KCNJ5: variants seen among roughly 807,000 people sequenced by gnomAD.
The protein encoded by KCNJ5 is potassium inwardly rectifying channel subfamily J member 5, also known as G protein-activated inward rectifier potassium channel 4.
Under a neutral mutation model 20.2 loss-of-function variants are expected in KCNJ5, and 12 were observed. The observed-to-expected ratio is 0.59, with a 90% CI of 0.38 to 0.96. The LOEUF (loss-of-function observed/expected upper bound fraction) is 0.96. Among genes scored for constraint, KCNJ5 ranks in the 40% least tolerant of loss-of-function variants. KCNJ5 has a pLI of 0.00. For synonymous variants in KCNJ5, 210 were observed against 213.9 expected (o/e 0.98, Z 0.16); for missense variants, 449 against 557.6 (o/e 0.81, Z 1.96).
intron 1 of KCNJ5, chr11:128,904,512 A>C: frequency 6.6e-7 from 1 of 1,526,634 alleles, no homozygotes; most frequent in Non-Finnish European, 9.1e-7. Flanking sequence ...GCGTGCGTCC[A>C]GGGCGGAGAG....
At chr11:128,903,628 G>C in intron 1 of KCNJ5, 25 of 1,081,908 alleles carry the variant, frequency 2.3e-5, no homozygotes, top group Non-Finnish European at 3.1e-5. Context: ...GAGAGTGACG[G>C]GGCACTCTTG....
At chr11:128,891,985 G>A (rs1944099242) in intron 1 of KCNJ5, among the ~76,000 whole-genome samples, 1 of 152,256 alleles carries the variant, frequency 6.6e-6, no homozygotes, top group Non-Finnish European at 1.5e-5. Flanking sequence ...CTACCTGGGG[G>A]TGCCCCAGAT....
chr11:128,895,734 A>G (rs1944166701), intron 1 of KCNJ5, among the ~76,000 whole-genome samples: 1 of 152,270 alleles, frequency 6.6e-6, no homozygotes, highest in African/African-American at 2.4e-5. Flanking sequence ...GGGGGCGGGC[A>G]GAGCTGCTGG....
In KCNJ5 at chr11:128,919,997, C is replaced by A. The variant is rs1296862539; in HGVS notation, c.*3266C>A. On this transcript the variant is annotated 3_prime_UTR_variant, in exon 3 of 3. Transcript: ENST00000529694. ...TCATTCCCACAGTCTTGAGTATCTC[C>A]AAAATCCCAAAGTGATATTTCACTT... is the stretch of plus-strand genomic sequence containing the variant. 6.6e-6 allele frequency: 1 copy of A among 152,220 alleles called. No homozygotes were observed. Among genetic ancestry groups the A allele is most frequent in the East Asian group, 1.9e-4 (1 of 5,190 alleles). 9.4% of individuals were successfully genotyped at this position (152,220 alleles called of 1,614,324 possible).
intron 1 of KCNJ5, among the ~76,000 whole-genome samples, chr11:128,910,320 G>A (rs1944477513): frequency 6.6e-6 from 1 of 152,066 alleles, no homozygotes; most frequent in Admixed American, 6.6e-5. Flanking sequence ...AGAGCTTTGG[G>A]GCCATTAACA....
At position 128,912,052 on chromosome 11, in the gene KCNJ5, G is replaced by A. The variant is rs764305844; in HGVS notation, c.779G>A (p.Gly260Asp). ...IPLNQTDINVGFDTGDDRLFL... is the reference protein window; with the variant it reads ...IPLNQTDINVDFDTGDDRLFL... The stretch of plus-strand genomic sequence containing the variant: ...CTGAACCAGACAGACATCAACGTGG[G>A]CTTTGACACGGGCGACGACCGCCTC... The change falls in exon 2 of 3, where the codon GGC (glycine) becomes GAC (aspartate). Residue 260 changes from glycine (G) to aspartate (D), a missense_variant. Around this residue, in one of 5 missense-constraint regions of KCNJ5, gnomAD observed 145 missense variants for 166.2 expected, o/e 0.87. Transcript: ENST00000529694. 1.9e-6 allele frequency: 3 copies of A among 1,613,992 alleles called. No homozygotes were observed. The highest frequency in any genetic ancestry group is 2.5e-6 in the Non-Finnish European group (3 of 1,179,982).
chr11:128,909,964 G>C (rs930750213), intron 1 of KCNJ5: 1 of 152,176 alleles, frequency 6.6e-6, no homozygotes, highest in African/African-American at 2.4e-5. Context: ...GTCAGCCTTT[G>C]GGCTGCAGCC....
intron 1 of KCNJ5, among the ~76,000 whole-genome samples, chr11:128,899,379 C>A (rs1310202408): frequency 1.3e-5 from 2 of 152,210 alleles, no homozygotes; most frequent in East Asian, 3.8e-4. Flanking sequence ...TTCTGTGGCT[C>A]TTTCTCACAT....
Position 128,916,866 on chromosome 11 carries a change from C to T in KCNJ5, c.*135C>T, listed in dbSNP as rs1944592547. ...GAGCCATCAAGGCTGTGGGGAGGAA[C>T]CATAAACCCAGCCCTCACAGCTCCC... On this transcript the variant is annotated 3_prime_UTR_variant, in exon 3 of 3. Transcript: ENST00000529694. 1.4e-6 allele frequency: 1 copy of T among 707,910 alleles called. No homozygotes were observed. Among genetic ancestry groups the T allele is most frequent in the South Asian group, 1.9e-5 (1 of 51,548 alleles). 43.9% of individuals were successfully genotyped at this position (707,910 alleles called of 1,614,324 possible). A position where few individuals can be genotyped will look rare whatever the true frequency, so the allele number is the denominator to read the frequency against.
Position 128,891,431 on chromosome 11 carries a change from C to CAGAGAGAGAG in KCNJ5, c.-300_-299insGAGAGAGAGA, listed in dbSNP as rs1214176390. The CAGAGAGAGAG allele has an allele frequency of 3.6e-4, 33 of 92,720 alleles. No homozygotes were observed. The highest frequency in any genetic ancestry group is 2.7e-3 in the Admixed American group (25 of 9,360). The allele number at this position is 92,720 out of a possible 1,614,324, so 5.7% of individuals were successfully genotyped here. A position where few individuals can be genotyped will look rare whatever the true frequency, so the allele number is the denominator to read the frequency against. On this transcript the variant is annotated 5_prime_UTR_variant, in exon 1 of 3. Coordinates refer to ENST00000529694, the MANE Select transcript of KCNJ5 (RefSeq NM_000890.5). The stretch of plus-strand genomic sequence containing the variant: ...ACACACACACACACACACACACACA[C>CAGAGAGAGAG]ACACACACACAGAGAGAGAGAGAGA...
In KCNJ5 at chr11:128,911,699, C is replaced by G; in HGVS notation, c.426C>G (p.Phe142Leu). 6.2e-7 allele frequency: 1 copy of G among 1,614,164 alleles called. No homozygotes were observed. The highest frequency in any genetic ancestry group is 1.1e-5 in the South Asian group (1 of 91,070). The change falls in exon 2 of 3, where the codon TTC (phenylalanine) becomes TTG (leucine). Residue 142 changes from phenylalanine to leucine, a missense_variant. Transcript: ENST00000529694. This position sits in a 1 kb window ranked among gnomAD's most constrained non-coding sequence, Gnocchi z 6.3. ...NLSGFVSAFL[F>L]SIETETTIGY... ...GTGGCTTCGTGTCCGCTTTCCTGTTCTCCATTGAGACCGAAACAACCATTG... is the reference window on the plus strand; with the variant it reads ...GTGGCTTCGTGTCCGCTTTCCTGTTGTCCATTGAGACCGAAACAACCATTG...
At chr11:128,904,296 C>T (rs1944351910) in intron 1 of KCNJ5, 9 of 1,350,408 alleles carry the variant, frequency 6.7e-6, no homozygotes, top group Non-Finnish European at 8.1e-6. Flanking sequence ...CCACCCCAGA[C>T]AAGCCAAATT....
At position 128,911,910 on chromosome 11, in the gene KCNJ5, G is replaced by C; in HGVS notation, c.637G>C (p.Glu213Gln). The C allele has an allele frequency of 6.2e-7, 1 of 1,605,510 alleles. No homozygotes were observed. The highest frequency in any genetic ancestry group is 1.3e-5 in the African/African-American group (1 of 74,770). The change falls in exon 2 of 3, where the codon GAG (glutamate) becomes CAG (glutamine). Residue 213 changes from glutamate (E) to glutamine (Q), a missense_variant. Glu to Gln is a conservative substitution (Grantham distance 29). Coordinates refer to ENST00000529694, the MANE Select transcript of KCNJ5 (RefSeq NM_000890.5). This position sits in a 1 kb window ranked among gnomAD's most constrained non-coding sequence, Gnocchi z 6.3. ...SNNAVISMRDEKLCLMFRVGD... is the reference protein window; with the variant it reads ...SNNAVISMRDQKLCLMFRVGD... ...CAACGCAGTCATCTCCATGCGGGAC[G>C]AGAAGCTGTGCCTCATGTTCCGGGT... is the stretch of plus-strand genomic sequence containing the variant.
Position 128,920,593 on chromosome 11 carries a change from T to A in KCNJ5, c.*3862T>A, listed in dbSNP as rs1245049186. ...CTGCCCATGCGCCATGGAGCATGTG[T>A]TAGGTGCCTGCCGTGGGTCAGGCAC... On this transcript the variant is annotated 3_prime_UTR_variant, in exon 3 of 3. Transcript: ENST00000529694. The A allele has an allele frequency of 6.6e-6, 1 of 152,240 alleles. No individual in the cohort carries two copies. Among genetic ancestry groups the A allele is most frequent in the African/African-American group, 2.4e-5 (1 of 41,456 alleles). The allele number at this position is 152,240 out of a possible 1,614,324, so 9.4% of individuals were successfully genotyped here.
At chr11:128,908,929 C>T (rs890458272) in intron 1 of KCNJ5, among the ~76,000 whole-genome samples, 1 of 152,198 alleles carries the variant, frequency 6.6e-6, no homozygotes, top group Non-Finnish European at 1.5e-5. Flanking sequence ...AAGTCTCCCA[C>T]TTAAGGCAGA....
chr11:128,900,463 G>T (rs3740835), intron 1 of KCNJ5: 12,850 of 152,162 alleles, frequency 0.084, 1,113 homozygotes, highest in East Asian at 0.24. Context: ...ACTTCCTTAG[G>T]CTTGTGGTGG....
At chr11:128,897,107 T>TG (rs1176865500) in intron 1 of KCNJ5, among the ~76,000 whole-genome samples, 11 of 146,264 alleles carry the variant, frequency 7.5e-5, no homozygotes. Context: ...TTTTTTTTTT[T>TG]TTTTTTTTGA....
At chr11:128,893,352 G>A (rs1199280195) in intron 1 of KCNJ5, among the ~76,000 whole-genome samples, 1 of 151,998 alleles carries the variant, frequency 6.6e-6, no homozygotes, top group Non-Finnish European at 1.5e-5. Flanking sequence ...GAAATTGCTG[G>A]CTCAGGAGGC....
At position 128,891,472 on chromosome 11, in the gene KCNJ5, A is replaced by AGG. The variant is rs1944088630; in HGVS notation, c.-259_-258insGG. ...GAGAGAGAGAGAGAGAGAGAGAGAGAGAGATTGTTCCAGCTGCTCTCGCTA... is the reference window on the plus strand; with the variant it reads ...GAGAGAGAGAGAGAGAGAGAGAGAGAGGGAGATTGTTCCAGCTGCTCTCGCTA... On this transcript the variant is annotated 5_prime_UTR_variant, in exon 1 of 3. Coordinates refer to ENST00000529694, the MANE Select transcript of KCNJ5 (RefSeq NM_000890.5). 6.6e-6 allele frequency: 1 copy of AGG among 151,284 alleles called. No individual in the cohort carries two copies. The highest frequency in any genetic ancestry group is 2.5e-5 in the African/African-American group (1 of 40,150). 9.4% of individuals were successfully genotyped at this position (151,284 alleles called of 1,614,324 possible). A position where few individuals can be genotyped will look rare whatever the true frequency, so the allele number is the denominator to read the frequency against.
Sources: gnomAD v4.1 joint callset for allele counts (sites outside exome capture counted in the v4.1 genomes callset) on GRCh38, gnomAD v4.1.1 for gene constraint, gnomAD v4.1.1 regional missense constraint, Gnocchi (gnomAD v3.1) non-coding constraint, MANE v1.5 for transcripts, NCBI Gene and HGNC (gene_info 2026-07-23, HGNC 2026-07-21) for gene names.